MYOCD: variants seen among roughly 807,000 people sequenced by gnomAD.
The protein encoded by MYOCD is myocardin.
MYOCD carries 32 observed loss-of-function variants against 96.1 expected under a neutral mutation model. That is an observed-to-expected ratio of 0.33 (90% CI 0.25 to 0.45). MYOCD has a LOEUF of 0.45. Ranked by LOEUF, MYOCD falls within the 20% of genes least tolerant of loss-of-function variation. The probability of loss-of-function intolerance (pLI) is 1.00; values close to 1 mark genes in which losing one functional copy is unlikely to be tolerated. For missense variants in MYOCD, 1,133 were observed against 1,200.6 expected, an observed-to-expected ratio of 0.94 and a Z score of 0.83; for synonymous variants, 469 against 469.0, an observed-to-expected ratio of 1.00 and a Z score of 0.00.
At chr17:12,740,828 TC>T (rs1857010709) in intron 7 of MYOCD, among the ~76,000 whole-genome samples, 1 of 152,128 alleles carries the variant, frequency 6.6e-6, no homozygotes, top group Non-Finnish European at 1.5e-5. Flanking sequence ...AACCTCCGCC[TC>T]CCAGGTTCAA....
At chr17:12,673,940 A>G (rs1434051659) in intron 1 of MYOCD, among the ~76,000 whole-genome samples, 1 of 152,174 alleles carries the variant, frequency 6.6e-6, no homozygotes, top group East Asian at 1.9e-4. Flanking sequence ...AAGGAAAATG[A>G]GTAACAGTTG....
chr17:12,757,453 G>A (rs1041659352), intron 11 of MYOCD, among the ~76,000 whole-genome samples: 4 of 152,034 alleles, frequency 2.6e-5, no homozygotes, highest in Admixed American at 1.3e-4. Context: ...AATGACCTGT[G>A]GGGTAGATTA....
At chr17:12,688,580 C>T (rs974900586) in intron 1 of MYOCD, among the ~76,000 whole-genome samples, 1 of 147,034 alleles carries the variant, frequency 6.8e-6, no homozygotes, top group South Asian at 2.2e-4. Context: ...CCATCTCCGT[C>T]CCTCCTTCCT....
intron 7 of MYOCD, among the ~76,000 whole-genome samples, chr17:12,739,602 T>C (rs1011820475): frequency 6.6e-6 from 1 of 152,178 alleles, no homozygotes; most frequent in Non-Finnish European, 1.5e-5. Flanking sequence ...ACTTAAAAGA[T>C]TTCATAAGCT....
chr17:12,757,755 A>G (rs1051058781), intron 11 of MYOCD, among the ~76,000 whole-genome samples: 1 of 152,042 alleles, frequency 6.6e-6, no homozygotes, highest in Admixed American at 6.6e-5. Flanking sequence ...CGGCCTCCCA[A>G]AGTGCTAGTA....
At chr17:12,742,234 C>T (rs765005779) in intron 7 of MYOCD, among the ~76,000 whole-genome samples, 2 of 152,128 alleles carry the variant, frequency 1.3e-5, no homozygotes, top group Non-Finnish European at 2.9e-5. Flanking sequence ...CAGAGAGAAA[C>T]GGAGCCACCA....
chr17:12,763,796 AT>A lies in MYOCD; in HGVS notation c.*157del. 1.5e-6 allele frequency: 1 copy of A among 661,106 alleles called. No individual in the cohort carries two copies. Among genetic ancestry groups the A allele is most frequent in the South Asian group, 2.3e-5 (1 of 43,366 alleles). The allele number at this position is 661,106 out of a possible 1,614,324, so 41.0% of individuals were successfully genotyped here. A position where few individuals can be genotyped will look rare whatever the true frequency, so the allele number is the denominator to read the frequency against. On this transcript the variant is annotated 3_prime_UTR_variant, in exon 14 of 14. Transcript: ENST00000425538. ...GTGCCAATGAACAAGAACAAAAGTC[AT>A]TTTTAGAAATACATATACTGTAATA...
At chr17:12,733,179 A>G (rs9896722) in intron 5 of MYOCD, among the ~76,000 whole-genome samples, 83,835 of 151,684 alleles carry the variant, frequency 0.55, 23,222 homozygotes, top group East Asian at 0.7. Flanking sequence ...ATGTGGTGGC[A>G]GGTGCCTGTA....
At chr17:12,754,389 A>T (rs1305586545) in intron 10 of MYOCD, among the ~76,000 whole-genome samples, 1 of 152,242 alleles carries the variant, frequency 6.6e-6, no homozygotes, top group Non-Finnish European at 1.5e-5. Context: ...GGCGTGAGCC[A>T]CCATGCCCAG....
chr17:12,743,543 A>T (rs1459300852), intron 7 of MYOCD, among the ~76,000 whole-genome samples: 1 of 123,856 alleles, frequency 8.1e-6, no homozygotes, highest in Non-Finnish European at 1.6e-5. Context: ...CCCAGGCTGG[A>T]GTGCAATGGC....
In MYOCD at chr17:12,753,293, G is replaced by C; in HGVS notation, c.2005G>C (p.Gly669Arg). ...HFLPSSSGAQ[G>R]EGHRVSSPIS... Reference sequence around the variant, plus strand: ...TCTGCCCTCATCCTCCGGGGCCCAGGGAGAAGGGCACAGGGTCTCCTCGCC... The same window carrying C: ...TCTGCCCTCATCCTCCGGGGCCCAGCGAGAAGGGCACAGGGTCTCCTCGCC... The change falls in exon 10 of 14, where the codon GGA (glycine) becomes CGA (arginine). Residue 669 changes from glycine to arginine, a missense_variant. Coordinates refer to ENST00000425538, the MANE Select transcript of MYOCD (RefSeq NM_001146312.3). 1 of 1,612,844 alleles carries C rather than the reference G, an allele frequency of 6.2e-7. No homozygotes were observed. The highest frequency in any genetic ancestry group is 1.3e-5 in the African/African-American group (1 of 75,040).
Position 12,736,291 on chromosome 17 carries a change from T to C in MYOCD, c.546T>C (p.Ala182=), listed in dbSNP as rs1181009825. Residue 182 remains alanine, a synonymous_variant, in exon 6 of 14, where the codon GCT becomes GCC. Coordinates refer to ENST00000425538, the MANE Select transcript of MYOCD (RefSeq NM_001146312.3). ...PQNSAGSPPD[A]KASDTPSTGS... is the part of the protein sequence containing the mutation. Reference sequence around the variant, plus strand: ...ACTCAGCGGGATCCCCGCCAGACGCTAAAGCCTCAGATACCCCTTCGACAG... The same window carrying C: ...ACTCAGCGGGATCCCCGCCAGACGCCAAAGCCTCAGATACCCCTTCGACAG... The C allele has an allele frequency of 3.1e-6, 5 of 1,614,156 alleles. No individual in the cohort carries two copies. The highest frequency in any genetic ancestry group is 2.7e-5 in the African/African-American group (2 of 75,044).
intron 4 of MYOCD, among the ~76,000 whole-genome samples, chr17:12,719,307 G>A (rs1019140680): frequency 6.6e-6 from 1 of 151,216 alleles, no homozygotes; most frequent in African/African-American, 2.4e-5. Context: ...AGTGCAATTG[G>A]ATCAACTTTT....
intron 2 of MYOCD, among the ~76,000 whole-genome samples, chr17:12,713,808 A>G (rs2031553822): frequency 1.3e-5 from 2 of 152,220 alleles, no homozygotes; most frequent in South Asian, 4.1e-4. Context: ...GACCCAACTC[A>G]AAGAAAATGC....
rs1007726966 is a variant in MYOCD, at chr17:12,767,352, A to T, written c.*3708A>T. ...AAGCATTCAAAATAGTCCTTTCCAA[A>T]TGTTATTTATTTTAAAGTCAATCAG... On this transcript the variant is annotated 3_prime_UTR_variant, in exon 14 of 14. Transcript: ENST00000425538. 15 of 152,220 alleles carry T rather than the reference A, an allele frequency of 9.9e-5. No individual in the cohort carries two copies. Among genetic ancestry groups the T allele is most frequent in the African/African-American group, 3.4e-4 (14 of 41,464 alleles). 9.4% of individuals were successfully genotyped at this position (152,220 alleles called of 1,614,324 possible).
intron 5 of MYOCD, among the ~76,000 whole-genome samples, chr17:12,729,352 G>A (rs2150696596): frequency 6.6e-6 from 1 of 152,204 alleles, no homozygotes; most frequent in East Asian, 1.9e-4. Flanking sequence ...GGAGGAAAGG[G>A]TGAGCGCTGA....
At position 12,680,937 on chromosome 17, in the gene MYOCD, C is replaced by G. The variant is rs75693800; in HGVS notation, c.55+14694C>G. Among the ~76,000 whole-genome samples, 605 of 152,282 alleles carry G rather than the reference C, an allele frequency of 4.0e-3. 6 individuals carry two copies. The highest frequency in any genetic ancestry group is 0.014 in the African/African-American group (572 of 41,560). On this transcript the variant is annotated intron_variant, in intron 1 of 13. Transcript: ENST00000425538. ...CCCAATAGAGCACCCCAAGAACTATCTGATGCTCACATGCCTGCTGCGTGT... is the reference window on the plus strand; with the variant it reads ...CCCAATAGAGCACCCCAAGAACTATGTGATGCTCACATGCCTGCTGCGTGT...
chr17:12,752,753 G>A lies in MYOCD; in HGVS notation c.1465G>A (p.Val489Ile), dbSNP rs367926651. 2 of 1,614,152 alleles carry A rather than the reference G, an allele frequency of 1.2e-6. No homozygotes were observed. The highest frequency in any genetic ancestry group is 2.2e-5 in the East Asian group (1 of 44,880). The change falls in exon 10 of 14, where the codon GTC becomes ATC. Residue 489 changes from valine to isoleucine, a missense_variant. Coordinates refer to ENST00000425538, the MANE Select transcript of MYOCD (RefSeq NM_001146312.3). ...CTCCTTCGGCCTGCACCCGTCCCCA[G>A]TCCACGTGTGCACGGAGGAAAGTCT... ...SPSFGLHPSP[V>I]HVCTEESLMS...
chr17:12,672,092 T>TC (rs2150627925), intron 1 of MYOCD: 1 of 152,308 alleles, frequency 6.6e-6, no homozygotes, highest in East Asian at 1.9e-4. Flanking sequence ...CCCAGGGCTC[T>TC]CTGGGCCTCT....
Sources: gnomAD v4.1 joint callset for allele counts (sites outside exome capture counted in the v4.1 genomes callset) on GRCh38, gnomAD v4.1.1 for gene constraint, MANE v1.5 for transcripts, NCBI Gene and HGNC (gene_info 2026-07-23, HGNC 2026-07-21) for gene names.